Variants in KIF21A observed in about 807,000 individuals in gnomAD.
The protein encoded by KIF21A is kinesin-like protein KIF21A.
A neutral mutation model predicts 202.9 loss-of-function variants in KIF21A; 114 were observed. The observed-to-expected ratio is 0.56, with a 90% CI of 0.48 to 0.66. The LOEUF is 0.66. KIF21A is among the 30% of genes least tolerant of loss of function. The pLI is 0.00. For synonymous variants in KIF21A, 667 were observed against 670.8 expected, an observed-to-expected ratio of 0.99 and a Z score of 0.09; for missense variants, 1,677 against 1,994.9, an observed-to-expected ratio of 0.84 and a Z score of 3.04.
intron 1 of KIF21A, among the ~76,000 whole-genome samples, chr12:39,421,853 TTA>T (rs562906463): frequency 4.1e-4 from 60 of 147,406 alleles, no homozygotes; most frequent in African/African-American, 1.1e-3. Context: ...CATATATAAT[TTA>T]TATATATAAA....
intron 20 of KIF21A, 79 bp from the exon 21 acceptor site, chr12:39,332,487 CA>C (rs1555162902): frequency 2.3e-5 from 34 of 1,492,564 alleles, no homozygotes; most frequent in African/African-American, 2.8e-5. Context: ...CCCCACCCCC[CA>C]AAAAAAACTT....
chr12:39,343,690 G>A (rs1324003542), intron 12 of KIF21A, among the ~76,000 whole-genome samples: 5 of 151,986 alleles, frequency 3.3e-5, no homozygotes, highest in East Asian at 1.9e-4. Context: ...CCCTTGTAAG[G>A]ACTTTTCAGA....
At chr12:39,359,566 T>A (rs1949044535) in intron 7 of KIF21A, among the ~76,000 whole-genome samples, 2 of 152,290 alleles carry the variant, frequency 1.3e-5, no homozygotes, top group South Asian at 4.1e-4. Context: ...GGTCAGAAAG[T>A]TAAAATAATT....
At chr12:39,352,408 C>G (rs1948461415) in intron 10 of KIF21A, among the ~76,000 whole-genome samples, 1 of 152,114 alleles carries the variant, frequency 6.6e-6, no homozygotes, top group African/African-American at 2.4e-5. Flanking sequence ...AATGCTCACA[C>G]ACATTAACAT....
At chr12:39,296,019 G>A (rs570246422) in intron 37 of KIF21A, among the ~76,000 whole-genome samples, 1 of 20,942 alleles carries the variant, frequency 4.8e-5, no homozygotes, top group Non-Finnish European at 9.8e-5. Context: ...TTTTTTGTTT[G>A]TTTGTTAAAA....
At position 39,294,278 on chromosome 12, in the gene KIF21A, C is replaced by G; in HGVS notation, c.*146G>C. 1 of 660,948 alleles carries G rather than the reference C, an allele frequency of 1.5e-6. No individual in the cohort carries two copies. Among genetic ancestry groups the G allele is most frequent in the Non-Finnish European group, 2.8e-6 (1 of 360,606 alleles). The allele number at this position is 660,948 out of a possible 1,614,324, so 40.9% of individuals were successfully genotyped here. On this transcript the variant is annotated 3_prime_UTR_variant, in exon 38 of 38. Transcript: ENST00000361418. ...GATAGTACACAATTTTATTAGAATA[C>G]CATTTATAGTCAGCAGTTGAATTCA...
At chr12:39,352,959 A>C (rs1230878730) in intron 10 of KIF21A, among the ~76,000 whole-genome samples, 1 of 152,154 alleles carries the variant, frequency 6.6e-6, no homozygotes, top group East Asian at 1.9e-4. Flanking sequence ...CAAAAATACA[A>C]TTATCTACTT....
chr12:39,319,805 C>A (rs1030445858), intron 28 of KIF21A, 101 bp downstream of exon 28: 17 of 810,138 alleles, frequency 2.1e-5, no homozygotes, highest in Non-Finnish European at 2.5e-5. Flanking sequence ...ATAACCACAG[C>A]ACCAGCCTAA....
intron 37 of KIF21A, among the ~76,000 whole-genome samples, chr12:39,300,110 TA>T (rs199607858): frequency 6.7e-6 from 1 of 150,058 alleles, no homozygotes; most frequent in South Asian, 2.1e-4. Context: ...AAAATAAAAG[TA>T]AAAAAAAAGA....
At chr12:39,328,563 A>G (rs917326898) in intron 24 of KIF21A, among the ~76,000 whole-genome samples, 2 of 152,224 alleles carry the variant, frequency 1.3e-5, no homozygotes. Context: ...GGATCCCAAC[A>G]CAGATATAGA....
intron 6 of KIF21A, among the ~76,000 whole-genome samples, chr12:39,365,447 A>G (rs1949532724): frequency 6.6e-6 from 1 of 152,242 alleles, no homozygotes; most frequent in African/African-American, 2.4e-5. Context: ...TGAAGATAAT[A>G]AGAACAAATT....
intron 30 of KIF21A, among the ~76,000 whole-genome samples, 198 bp from the exon 31 acceptor site, chr12:39,315,438 A>T: frequency 6.6e-6 from 1 of 151,992 alleles, no homozygotes; most frequent in East Asian, 1.9e-4. Flanking sequence ...TATTTATTTT[A>T]AAAAATGCTT....
intron 32 of KIF21A, 45 bp downstream of exon 32, chr12:39,311,372 T>A (rs952542): frequency 0.16 from 247,572 of 1,514,886 alleles, 20,921 homozygotes; most frequent in East Asian, 0.36. Context: ...TAATTTTTTT[T>A]AAAAAAAAAG....
At chr12:39,412,723 A>G (rs758419136) in intron 1 of KIF21A, among the ~76,000 whole-genome samples, 6 of 152,146 alleles carry the variant, frequency 3.9e-5, no homozygotes, top group Non-Finnish European at 5.9e-5. Context: ...GTCTCAAAAA[A>G]ACAGAAAAAA....
In KIF21A at chr12:39,367,141, A is replaced by G; in HGVS notation, c.624T>C (p.Gly208=). The change falls in exon 5 of 38, where the codon GGT becomes GGC. Residue 208 remains glycine, a synonymous_variant. Coordinates refer to ENST00000361418, the MANE Select transcript of KIF21A (RefSeq NM_001173464.2). Reference sequence around the variant, plus strand: ...TACTGGCAGTTGTCCGGGATAAAGCACCCAACTTCAAACACTGCATCATCT... The same window carrying G: ...TACTGGCAGTTGTCCGGGATAAAGCGCCCAACTTCAAACACTGCATCATCT... The part of the protein sequence containing the change: ...ESEMMQCLKL[G]ALSRTTASTQ... The G allele has an allele frequency of 6.2e-7, 1 of 1,613,994 alleles. No individual in the cohort carries two copies. The highest frequency in any genetic ancestry group is 8.5e-7 in the Non-Finnish European group (1 of 1,179,904).
chr12:39,401,663 T>A (rs1952181440), intron 1 of KIF21A, among the ~76,000 whole-genome samples: 1 of 152,100 alleles, frequency 6.6e-6, no homozygotes, highest in African/African-American at 2.4e-5. Flanking sequence ...AAAAACTGAA[T>A]CAAAACCAGT....
intron 1 of KIF21A, among the ~76,000 whole-genome samples, chr12:39,437,596 A>G (rs1938995690): frequency 6.6e-6 from 1 of 152,208 alleles, no homozygotes; most frequent in Admixed American, 6.5e-5. Flanking sequence ...ATTGAGAAAA[A>G]TAAGAGAGAA....
intron 6 of KIF21A, among the ~76,000 whole-genome samples, chr12:39,364,175 C>T (rs1365378020): frequency 6.6e-6 from 1 of 152,152 alleles, no homozygotes; most frequent in Non-Finnish European, 1.5e-5. Context: ...AAATGTTGTT[C>T]ACACTGGCCA....
chr12:39,372,256 T>A (rs2139233478), intron 1 of KIF21A, among the ~76,000 whole-genome samples: 1 of 152,286 alleles, frequency 6.6e-6, no homozygotes, highest in Middle Eastern at 3.4e-3. Context: ...CTCAAAAATA[T>A]CTCATGTAAA....
Sources: gnomAD v4.1 joint callset for allele counts (sites outside exome capture counted in the v4.1 genomes callset) on GRCh38, gnomAD v4.1.1 for gene constraint, MANE v1.5 for transcripts, NCBI Gene and HGNC (gene_info 2026-07-23, HGNC 2026-07-21) for gene names.